SIN3B: variants seen among roughly 807,000 people sequenced by gnomAD.
SIN3B encodes the protein SIN3 transcription regulator family member B.
SIN3B carries 19 observed loss-of-function variants against 120.2 expected under a neutral mutation model. That is an observed-to-expected ratio of 0.16 (90% CI 0.11 to 0.23). The LOEUF (loss-of-function observed/expected upper bound fraction) is 0.23, where lower values mean the gene tolerates loss of function less well. Among genes scored for constraint, SIN3B ranks in the 10% least tolerant of loss-of-function variants. SIN3B has a pLI of 1.00. For synonymous variants in SIN3B, 654 were observed against 653.2 expected, an observed-to-expected ratio of 1.00 and a Z score of -0.02; for missense variants, 1,073 against 1,573.0, an observed-to-expected ratio of 0.68 and a Z score of 5.38.
chr19:16,831,094 G>T (rs149326214), intron 2 of SIN3B, among the ~76,000 whole-genome samples: 2 of 149,178 alleles, frequency 1.3e-5, no homozygotes, highest in South Asian at 2.1e-4. Flanking sequence ...ATGGATTCTC[G>T]TGCTGTCGCC....
At chr19:16,859,180 C>G (rs751915268) in intron 8 of SIN3B, among the ~76,000 whole-genome samples, 1 of 152,114 alleles carries the variant, frequency 6.6e-6, no homozygotes, top group African/African-American at 2.4e-5. Context: ...AGGCTCAGGT[C>G]GAACCCCTCT....
Position 16,869,455 on chromosome 19 carries a change from C to T in SIN3B, c.1807-5C>T, listed in dbSNP as rs773710715. 2.3e-5 allele frequency: 36 copies of T among 1,599,476 alleles called. No individual in the cohort carries two copies. Among genetic ancestry groups the T allele is most frequent in the Non-Finnish European group, 3.0e-5 (35 of 1,169,586 alleles). ...TCCACCTAATGGCCGCCCTTCCCCC[C>T]ACAGCACCAGGAGCAGCACTCGGAG... On this transcript the variant is annotated splice_region_variant and splice_polypyrimidine_tract_variant and intron_variant, in intron 12 of 18. Transcript: ENST00000248054.
At chr19:16,832,386 TG>T (rs1032656788) in intron 3 of SIN3B, among the ~76,000 whole-genome samples, 1 of 151,764 alleles carries the variant, frequency 6.6e-6, no homozygotes, top group Non-Finnish European at 1.5e-5. Context: ...TTAGTAGAGA[TG>T]GGGTTTCTTC....
chr19:16,872,439 T>TTCG, intron 14 of SIN3B: 1 of 150,142 alleles, frequency 6.7e-6, no homozygotes, highest in Non-Finnish European at 1.5e-5. Flanking sequence ...TTTCTTTTTC[T>TTCG]TCTTCTTCTT....
In SIN3B at chr19:16,876,859, G is replaced by A. The variant is rs557785636; in HGVS notation, c.2859+281G>A. 828 of 390,978 alleles carry A rather than the reference G, an allele frequency of 2.1e-3. 1 individual carries two copies. The highest frequency in any genetic ancestry group is 3.2e-3 in the Non-Finnish European group (693 of 214,508). 24.2% of individuals were successfully genotyped at this position (390,978 alleles called of 1,614,324 possible). On this transcript the variant is annotated intron_variant, in intron 16 of 18. Transcript: ENST00000248054. This position sits in a 1 kb window ranked among gnomAD's most constrained non-coding sequence, Gnocchi z 7.1. The stretch of plus-strand genomic sequence containing the variant: ...ACCAAGCCACCTCTCCCTGGCCCCC[G>A]ACTCCCACTCAGGGCATCCCGTGGC...
At position 16,878,880 on chromosome 19, in the gene SIN3B, G is replaced by A. The variant is rs954124401; in HGVS notation, c.*153G>A. On this transcript the variant is annotated 3_prime_UTR_variant, in exon 19 of 19. Transcript: ENST00000248054. Reference sequence around the variant, plus strand: ...CACTCCAGGGCAGGACGCCGCCCCCGTGGCTCCCGGTCTCCTGTGGGCCTG... The same window carrying A: ...CACTCCAGGGCAGGACGCCGCCCCCATGGCTCCCGGTCTCCTGTGGGCCTG... 8.5e-6 allele frequency: 6 copies of A among 707,026 alleles called. No homozygotes were observed. The highest frequency in any genetic ancestry group is 5.4e-5 in the African/African-American group (3 of 55,760). 43.8% of individuals were successfully genotyped at this position (707,026 alleles called of 1,614,324 possible). A position where few individuals can be genotyped will look rare whatever the true frequency, so the allele number is the denominator to read the frequency against.
intron 3 of SIN3B, among the ~76,000 whole-genome samples, chr19:16,832,666 AATTT>A (rs904041643): frequency 1.3e-5 from 2 of 151,580 alleles, no homozygotes; most frequent in Non-Finnish European, 2.9e-5. Context: ...ACGGCCAGCT[AATTT>A]ATTTATTTTT....
chr19:16,850,437 T>C (rs1000713068), intron 5 of SIN3B, among the ~76,000 whole-genome samples: 4 of 152,030 alleles, frequency 2.6e-5, no homozygotes, highest in Non-Finnish European at 5.9e-5. Flanking sequence ...TTTTTGGGGT[T>C]TTTCCTTGTT....
In SIN3B at chr19:16,851,495, C is replaced by T. The variant is rs1296557226; in HGVS notation, c.810C>T (p.Ser270=). ...DKTPEHSRKR[S]RPSLLRPVSA... ...CCCCGGAGCACAGCAGGAAGCGCTC[C>T]CGGCCCTCGCTCCTCCGCCCCGTGT... The change falls in exon 6 of 19, where the codon TCC becomes TCT. Residue 270 remains serine (S), a synonymous_variant. Coordinates refer to ENST00000248054, the MANE Select transcript of SIN3B (RefSeq NM_001297595.2). 1.2e-6 allele frequency: 2 copies of T among 1,608,926 alleles called. No homozygotes were observed. Among genetic ancestry groups the T allele is most frequent in the East Asian group, 2.2e-5 (1 of 44,486 alleles).
intron 3 of SIN3B, among the ~76,000 whole-genome samples, chr19:16,836,820 C>A (rs1023108044): frequency 6.6e-6 from 1 of 152,208 alleles, no homozygotes; most frequent in African/African-American, 2.4e-5. Flanking sequence ...AGCCCCTCGA[C>A]ATTCAAAGGG....
chr19:16,872,819 C>T (rs1223130820), intron 14 of SIN3B, among the ~76,000 whole-genome samples: 2 of 152,192 alleles, frequency 1.3e-5, no homozygotes, highest in African/African-American at 2.4e-5. Flanking sequence ...AGCGCCCAGC[C>T]GCATCCTGGG....
intron 4 of SIN3B, 79 bp downstream of exon 4, chr19:16,842,047 G>A (rs1474795825): frequency 4.2e-6 from 5 of 1,194,754 alleles, no homozygotes; most frequent in East Asian, 4.9e-5. Context: ...AGATTTTCTT[G>A]TCGGAATTCA....
chr19:16,858,117 T>C (rs990214522), intron 8 of SIN3B, among the ~76,000 whole-genome samples: 22 of 152,160 alleles, frequency 1.4e-4, no homozygotes, highest in Non-Finnish European at 2.1e-4. Context: ...CCTCAAGTGA[T>C]CCGCCTGCCT....
intron 3 of SIN3B, among the ~76,000 whole-genome samples, chr19:16,841,215 G>A (rs1025923984): frequency 6.6e-5 from 10 of 152,078 alleles, no homozygotes; most frequent in African/African-American, 2.4e-4. Flanking sequence ...TTTCTCCCAA[G>A]CGACCGATGC....
intron 3 of SIN3B, among the ~76,000 whole-genome samples, chr19:16,835,036 C>T (rs1177230339): frequency 6.6e-6 from 1 of 151,686 alleles, no homozygotes. Flanking sequence ...AAGCGATTCT[C>T]CTCCCTCAGC....
chr19:16,856,933 A>G (rs921991955), intron 8 of SIN3B, among the ~76,000 whole-genome samples: 2 of 152,238 alleles, frequency 1.3e-5, no homozygotes, highest in East Asian at 1.9e-4. Context: ...TGATCAGTCC[A>G]TTCAGTCCTT....
chr19:16,857,376 GC>G (rs1453374770), intron 8 of SIN3B, among the ~76,000 whole-genome samples: 1 of 151,846 alleles, frequency 6.6e-6, no homozygotes, highest in Non-Finnish European at 1.5e-5. Context: ...ATTTGCTTCA[GC>G]CTCAAAGAGT....
intron 5 of SIN3B, among the ~76,000 whole-genome samples, chr19:16,848,939 A>G (rs190195742): frequency 6.6e-6 from 1 of 152,338 alleles, no homozygotes. Flanking sequence ...TGCCCAGTCC[A>G]TGGTTTCTTT....
chr19:16,864,007 GT>G (rs1971725936), intron 10 of SIN3B, among the ~76,000 whole-genome samples: 2 of 152,182 alleles, frequency 1.3e-5, no homozygotes, highest in Non-Finnish European at 2.9e-5. Flanking sequence ...TAAAAATTTT[GT>G]TTGGGCTGGG....
Sources: gnomAD v4.1 joint callset for allele counts (sites outside exome capture counted in the v4.1 genomes callset) on GRCh38, gnomAD v4.1.1 for gene constraint, Gnocchi (gnomAD v3.1) non-coding constraint, MANE v1.5 for transcripts, NCBI Gene and HGNC (gene_info 2026-07-23, HGNC 2026-07-21) for gene names.